The following PLEKHA7 variants were observed in gnomAD, a reference collection of about 807,000 sequenced individuals.
The protein encoded by PLEKHA7 is pleckstrin homology domain containing A7.
Under a neutral mutation model 170.0 loss-of-function variants are expected in PLEKHA7, and 104 were observed. The observed-to-expected ratio is 0.61, with a 90% CI of 0.52 to 0.72. The LOEUF is 0.72. PLEKHA7 is among the 30% of genes least tolerant of loss of function. The pLI, the probability that PLEKHA7 is intolerant of heterozygous loss-of-function variation, is 0.00. For missense variants in PLEKHA7, 1,615 were observed against 1,671.7 expected (o/e 0.97, Z 0.59); for synonymous variants, 648 against 660.8 (o/e 0.98, Z 0.30).
Position 16,791,265 on chromosome 11 carries a change from T to C in PLEKHA7, c.2746-66A>G. 4.2e-6 allele frequency: 6 copies of C among 1,443,090 alleles called. No individual in the cohort carries two copies. Among genetic ancestry groups the C allele is most frequent in the Middle Eastern group, 1.8e-4 (1 of 5,486 alleles). 89.4% of individuals were successfully genotyped at this position (1,443,090 alleles called of 1,614,324 possible). On this transcript the variant is annotated intron_variant, in intron 19 of 26. Coordinates refer to ENST00000531066, the MANE Select transcript of PLEKHA7 (RefSeq NM_001329630.2). This position sits in a 1 kb window ranked among gnomAD's most constrained non-coding sequence, Gnocchi z 4.5. ...AGCTGGAGGGAGGACTGCTAGGTAC[T>C]GCCACAGTGGAGGTTTAAAGGGTAG...
rs965721434 is a variant in PLEKHA7 at position 16,835,938 on chromosome 11, T to C, written c.872+5609A>G. 2.2e-4 allele frequency among the ~76,000 whole-genome samples: 33 copies of C among 152,162 alleles called. 2 individuals are homozygous for C. ...TGGATCCCTAACACTTCCTTGGGAA[T>C]GTGCACCACCTCACTCTCAGTCCTC... On this transcript the variant is annotated intron_variant, in intron 9 of 26. Coordinates refer to ENST00000531066, the MANE Select transcript of PLEKHA7 (RefSeq NM_001329630.2).
intron 4 of PLEKHA7, among the ~76,000 whole-genome samples, chr11:16,867,964 C>T (rs535115822): frequency 1.3e-5 from 2 of 152,326 alleles, no homozygotes; most frequent in South Asian, 4.1e-4. Flanking sequence ...CATTTTACTT[C>T]CCAAGTACCT....
rs187277593 is a variant in PLEKHA7 at position 16,822,600 on chromosome 11, T to G, written c.1343+3520A>C. Among the ~76,000 whole-genome samples, 644 of 151,856 alleles carry G rather than the reference T, an allele frequency of 4.2e-3. 5 individuals carry two copies. The highest frequency in any genetic ancestry group is 0.015 in the African/African-American group (618 of 41,352). On this transcript the variant is annotated intron_variant, in intron 10 of 26. Transcript: ENST00000531066. ...GCACTGCTGACTGGACTCCTTCCAG[T>G]TGAAACTCTCCCCAACAAAACCTCC...
chr11:16,925,851 G>C (rs1039374206), intron 3 of PLEKHA7, among the ~76,000 whole-genome samples: 1 of 152,246 alleles, frequency 6.6e-6, no homozygotes, highest in South Asian at 2.1e-4. Flanking sequence ...CGGCGCGTCC[G>C]AGCCCAGCAC....
intron 17 of PLEKHA7, among the ~76,000 whole-genome samples, chr11:16,797,764 A>T (rs1564921816): frequency 6.6e-6 from 1 of 152,172 alleles, no homozygotes; most frequent in Admixed American, 6.5e-5. Flanking sequence ...CTGAGTGTTG[A>T]GAACAGGTAA....
chr11:16,947,277 G>T (rs1246807374), intron 3 of PLEKHA7, among the ~76,000 whole-genome samples: 1 of 152,156 alleles, frequency 6.6e-6, no homozygotes, highest in East Asian at 1.9e-4. Context: ...ATTGAAAATG[G>T]TATAGAGGCT....
intron 3 of PLEKHA7, among the ~76,000 whole-genome samples, chr11:16,920,538 T>C (rs997512320): frequency 1.3e-5 from 2 of 152,234 alleles, no homozygotes; most frequent in Non-Finnish European, 2.9e-5. Flanking sequence ...ATCTTCTTTG[T>C]AGTATAATAT....
At chr11:16,844,952 C>T (rs1252932735) in intron 8 of PLEKHA7, among the ~76,000 whole-genome samples, 1 of 152,202 alleles carries the variant, frequency 6.6e-6, no homozygotes, top group East Asian at 1.9e-4. Context: ...CAGCCTTAAA[C>T]AAGGCCATAA....
intron 9 of PLEKHA7, among the ~76,000 whole-genome samples, chr11:16,836,726 C>CTAT (rs1186198984): frequency 1.3e-5 from 2 of 151,568 alleles, no homozygotes; most frequent in African/African-American, 4.8e-5. Flanking sequence ...TGGAGAAATG[C>CTAT]TATTATGTCT....
chr11:16,904,443 CAT>C (rs1188831733), intron 3 of PLEKHA7, among the ~76,000 whole-genome samples: 1 of 152,228 alleles, frequency 6.6e-6, no homozygotes, highest in African/African-American at 2.4e-5. Flanking sequence ...AGCCATTAAA[CAT>C]AAAGTTTATA....
At chr11:16,829,691 G>A (rs138692073) in intron 9 of PLEKHA7, among the ~76,000 whole-genome samples, 22 of 152,232 alleles carry the variant, frequency 1.4e-4, no homozygotes, top group East Asian at 5.8e-4. Context: ...CAGGAGAATC[G>A]CTTGAACCTG....
intron 3 of PLEKHA7, among the ~76,000 whole-genome samples, chr11:16,977,653 A>G (rs1453729796): frequency 6.6e-6 from 1 of 151,924 alleles, no homozygotes; most frequent in African/African-American, 2.4e-5. Context: ...TCCTGCCCCA[A>G]CTCAGAGCCT....
chr11:16,897,588 G>A (rs529649258), intron 3 of PLEKHA7, among the ~76,000 whole-genome samples: 3 of 152,286 alleles, frequency 2.0e-5, no homozygotes, highest in South Asian at 4.1e-4. Flanking sequence ...TGGGCCACCC[G>A]CAGAGAAGGT....
intron 4 of PLEKHA7, among the ~76,000 whole-genome samples, chr11:16,860,732 T>C (rs1012420979): frequency 2.0e-5 from 3 of 152,168 alleles, no homozygotes; most frequent in African/African-American, 7.2e-5. Context: ...TCCCAAGGTC[T>C]GAGAGAAGCA....
At chr11:16,894,284 A>C (rs1218416664) in intron 3 of PLEKHA7, among the ~76,000 whole-genome samples, 1 of 152,168 alleles carries the variant, frequency 6.6e-6, no homozygotes, top group Non-Finnish European at 1.5e-5. Flanking sequence ...GATTTCGGAA[A>C]TTCTCCACCC....
At chr11:16,941,966 G>C (rs1365747778) in intron 3 of PLEKHA7, among the ~76,000 whole-genome samples, 1 of 152,230 alleles carries the variant, frequency 6.6e-6, no homozygotes, top group African/African-American at 2.4e-5. Flanking sequence ...CTGTACCCCA[G>C]TGTTGCTCCT....
At chr11:16,808,884 C>T (rs1187659074) in intron 13 of PLEKHA7, among the ~76,000 whole-genome samples, 3 of 152,092 alleles carry the variant, frequency 2.0e-5, no homozygotes, top group Non-Finnish European at 4.4e-5. Flanking sequence ...GATGCATGGA[C>T]GAAAGAAGGC....
At chr11:16,838,360 T>C (rs190246855) in intron 9 of PLEKHA7, among the ~76,000 whole-genome samples, 91 of 151,868 alleles carry the variant, frequency 6.0e-4, no homozygotes, top group Non-Finnish European at 9.7e-4. Flanking sequence ...GTTTTAAAAT[T>C]AGCCAGGCAT....
rs1366984931 is a variant in PLEKHA7, at chr11:16,841,726, T to C, written c.697-4A>G. 1.2e-6 allele frequency: 2 copies of C among 1,613,130 alleles called. No individual in the cohort carries two copies. The highest frequency in any genetic ancestry group is 1.7e-5 in the Admixed American group (1 of 59,942). On this transcript the variant is annotated splice_region_variant and splice_polypyrimidine_tract_variant and intron_variant, in intron 8 of 26. Coordinates refer to ENST00000531066, the MANE Select transcript of PLEKHA7 (RefSeq NM_001329630.2). ...CTCGCATCCCCGTGTGCACAGCCTG[T>C]AGCATGAAGGCAGAATGCAGGTCAG...
Sources: allele counts gnomAD v4.1 joint callset (sites outside exome capture counted in the v4.1 genomes callset), GRCh38; gene constraint gnomAD v4.1.1; non-coding constraint Gnocchi (gnomAD v3.1); transcripts MANE v1.5; gene names NCBI Gene and HGNC (gene_info 2026-07-23, HGNC 2026-07-21).